The following CD72 variants were observed in gnomAD, a reference collection of about 807,000 sequenced individuals.
The protein encoded by CD72 is CD72 molecule, also known as B-cell differentiation antigen CD72.
CD72 carries 28 observed loss-of-function variants against 50.7 expected under a neutral mutation model. That is an observed-to-expected ratio of 0.55 (90% CI 0.41 to 0.76). The LOEUF (loss-of-function observed/expected upper bound fraction) is 0.76. CD72 is among the 30% of genes least tolerant of loss of function. CD72 has a pLI of 0.00. For synonymous variants in CD72, 176 were observed against 171.2 expected (o/e 1.03, Z -0.22); for missense variants, 403 against 420.6 (o/e 0.96, Z 0.37).
rs201225359 is a variant in CD72 at position 35,616,192 on chromosome 9, T to C, written c.439A>G (p.Ile147Val). The C allele has an allele frequency of 6.8e-6, 11 of 1,614,126 alleles. No individual in the cohort carries two copies. The highest frequency in any genetic ancestry group is 9.3e-6 in the Non-Finnish European group (11 of 1,179,988). Residue 147 changes from isoleucine (I) to valine (V), a missense_variant, in exon 5 of 9, where the codon ATA becomes GTA. Transcript: ENST00000259633. Reference protein sequence around the residue: ...SSLRQQLRLKITQLGQSAEDL... With the variant: ...SSLRQQLRLKVTQLGQSAEDL... The stretch of plus-strand genomic sequence containing the variant: ...TCTGCACTCTGTCCCAGCTGCGTTA[T>C]CTTGAGGCGGAGCTGCTGCCTCAGG...
chr9:35,643,843 T>A (rs1166277211), intron 1 of CD72, among the ~76,000 whole-genome samples: 1 of 151,712 alleles, frequency 6.6e-6, no homozygotes, highest in East Asian at 1.9e-4. Context: ...CCGGGCGTAT[T>A]GGCACGCCCC....
At position 35,617,185 on chromosome 9, in the gene CD72, T is replaced by C; in HGVS notation, c.253A>G (p.Ile85Val). The change falls in exon 3 of 9, where the codon ATT becomes GTT. Residue 85 changes from isoleucine to valine, a missense_variant. Physicochemically the swap from Ile to Val is conservative, Grantham distance 29. Coordinates refer to ENST00000259633, the MANE Select transcript of CD72 (RefSeq NM_001782.3). ...GCACAGGCACACTCACAGGGGAGAA[T>C]CCGCCCGACAGCTGGTGACGTCACG... is the stretch of plus-strand genomic sequence containing the variant. ...RAVTSPAVGR[I>V]LPCRTTCLRY... 6.4e-7 allele frequency: 1 copy of C among 1,564,878 alleles called. No individual in the cohort carries two copies. The highest frequency in any genetic ancestry group is 8.7e-7 in the Non-Finnish European group (1 of 1,154,392).
intron 6 of CD72, among the ~76,000 whole-genome samples, chr9:35,612,327 A>G (rs527407061): frequency 1.3e-5 from 2 of 152,190 alleles, no homozygotes; most frequent in Non-Finnish European, 2.9e-5. Context: ...GTTCACACCT[A>G]TAATCCCAGC....
At chr9:35,635,108 G>T (rs1444246461) in intron 1 of CD72, among the ~76,000 whole-genome samples, 1 of 152,132 alleles carries the variant, frequency 6.6e-6, no homozygotes, top group African/African-American at 2.4e-5. Context: ...TTTCAGGGTT[G>T]CAGATGAGAA....
chr9:35,612,997 A>G lies in CD72; in HGVS notation c.689-4T>C, dbSNP rs202221186. The stretch of plus-strand genomic sequence containing the variant: ...CATCCCGACGGACAGCAGGTGTCTA[A>G]AAAGCAGAAAGAGTGTGATAGCAGC... On this transcript the variant is annotated splice_region_variant and splice_polypyrimidine_tract_variant and intron_variant, in intron 5 of 8. Coordinates refer to ENST00000259633, the MANE Select transcript of CD72 (RefSeq NM_001782.3). 6.2e-6 allele frequency: 10 copies of G among 1,606,822 alleles called. No homozygotes were observed. The East Asian group carries it at 2.0e-4, about 32-fold the overall frequency.
chr9:35,630,485 A>C (rs1159636484), intron 1 of CD72, among the ~76,000 whole-genome samples: 1 of 151,962 alleles, frequency 6.6e-6, no homozygotes, highest in Admixed American at 6.6e-5. Context: ...TTTTTATGAT[A>C]TTTTCTCTTC....
chr9:35,627,513 T>C (rs1333264377), intron 1 of CD72, among the ~76,000 whole-genome samples: 2 of 152,036 alleles, frequency 1.3e-5, no homozygotes, highest in Non-Finnish European at 2.9e-5. Context: ...CCACAATATC[T>C]CTGAAGTATG....
At position 35,610,688 on chromosome 9, in the gene CD72, G is replaced by C; in HGVS notation, c.1016C>G (p.Ser339Ter). The change falls in exon 8 of 9, where the codon TCA becomes TGA. Residue 339 changes from serine (S) to a stop codon, truncating the protein, a stop_gained. Coordinates refer to ENST00000259633, the MANE Select transcript of CD72 (RefSeq NM_001782.3). LOFTEE classifies it high-confidence loss of function. ...GGGAAGAGAACTTCTACATGACTCT[G>C]ACTCCAGTGTCCACCATGACCAAGT... ...HKTWSWWTLE[S>*]ESCRSSLPYI... 6.2e-7 allele frequency: 1 copy of C among 1,612,758 alleles called. No homozygotes were observed. The highest frequency in any genetic ancestry group is 8.5e-7 in the Non-Finnish European group (1 of 1,178,776).
At chr9:35,635,497 T>G (rs1823282447) in intron 1 of CD72, among the ~76,000 whole-genome samples, 3 of 152,260 alleles carry the variant, frequency 2.0e-5, no homozygotes, top group Admixed American at 1.3e-4. Context: ...AAATTTTTAG[T>G]TCTGAGATCA....
At chr9:35,617,350 C>T in intron 2 of CD72, 103 bp from the exon 3 acceptor site, 9 of 1,302,170 alleles carry the variant, frequency 6.9e-6, no homozygotes, top group Non-Finnish European at 9.4e-6. Context: ...TCCAGTCTGC[C>T]CTACGTTGCC....
chr9:35,637,529 C>G (rs1181070558), intron 1 of CD72, among the ~76,000 whole-genome samples: 1 of 152,150 alleles, frequency 6.6e-6, no homozygotes, highest in Non-Finnish European at 1.5e-5. Context: ...TCTTGCTACC[C>G]TTCAATCTCC....
chr9:35,639,660 T>G (rs760710425), intron 1 of CD72, among the ~76,000 whole-genome samples: 1 of 152,222 alleles, frequency 6.6e-6, no homozygotes, highest in Non-Finnish European at 1.5e-5. Context: ...AACATTTGAA[T>G]AGTTCTCAGA....
At chr9:35,624,765 C>A (rs1201665764) in intron 1 of CD72, among the ~76,000 whole-genome samples, 4 of 152,200 alleles carry the variant, frequency 2.6e-5, no homozygotes, top group African/African-American at 9.7e-5. Context: ...GTCTCTGTGT[C>A]ATCACATTTT....
intron 5 of CD72, among the ~76,000 whole-genome samples, chr9:35,614,754 A>C (rs769181920): frequency 3.3e-5 from 5 of 152,110 alleles, no homozygotes; most frequent in Non-Finnish European, 4.4e-5. Context: ...TAATCTCAGC[A>C]CTTTGGGAGG....
intron 1 of CD72, among the ~76,000 whole-genome samples, chr9:35,643,933 C>A (rs1006195577): frequency 1.9e-4 from 29 of 151,754 alleles, no homozygotes; most frequent in African/African-American, 6.8e-4. Context: ...TGCAGTGGGG[C>A]CAAGATCGCA....
upstream of CD72, among the ~76,000 whole-genome samples, chr9:35,621,768 A>AC (rs1192517700): frequency 6.6e-6 from 1 of 152,224 alleles, no homozygotes; most frequent in African/African-American, 2.4e-5. Flanking sequence ...GAAACACTCA[A>AC]CCCATAGGTC....
chr9:35,639,995 T>C (rs925321843), intron 1 of CD72, among the ~76,000 whole-genome samples: 2 of 152,246 alleles, frequency 1.3e-5, no homozygotes, highest in Admixed American at 6.5e-5. Context: ...TTTGGCAAAA[T>C]CTTTTTGAAG....
chr9:35,616,545 G>GAGTCGGGACGAA, intron 4 of CD72, 55 bp downstream of exon 4: 1 of 1,349,484 alleles, frequency 7.4e-7, no homozygotes. Context: ...TTTGGGGCGA[G>GAGTCGGGACGAA]AGTCGGGACG....
Position 35,611,875 on chromosome 9 carries a change from T to C in CD72, c.879A>G (p.Ser293=). The change falls in exon 7 of 9, where the codon TCA becomes TCG. Residue 293 remains serine (S), a synonymous_variant. Transcript: ENST00000259633. ...TGAGGCCAGTCCAATATGAATTCCCTGAACCACCATTTGGCAACAGTGAAT... is the reference window on the plus strand; with the variant it reads ...TGAGGCCAGTCCAATATGAATTCCCCGAACCACCATTTGGCAACAGTGAAT... The part of the protein sequence containing the change: ...FLNSLLPNGG[S]GNSYWTGLSS... 6.2e-7 allele frequency: 1 copy of C among 1,612,180 alleles called. No individual in the cohort carries two copies. The highest frequency in any genetic ancestry group is 8.5e-7 in the Non-Finnish European group (1 of 1,178,186).
Sources: gnomAD v4.1 joint callset for allele counts (sites outside exome capture counted in the v4.1 genomes callset) on GRCh38, gnomAD v4.1.1 for gene constraint, MANE v1.5 for transcripts, NCBI Gene and HGNC (gene_info 2026-07-23, HGNC 2026-07-21) for gene names.